The following UCP2 variants were observed in gnomAD, a reference collection of about 807,000 sequenced individuals.
UCP2 encodes dicarboxylate carrier SLC25A8.
A neutral mutation model predicts 31.3 loss-of-function variants in UCP2; 27 were observed. The ratio of observed to expected loss-of-function variants is 0.86; its 90% CI spans 0.64 to 1.19. The LOEUF is 1.19. Among genes scored for constraint, UCP2 ranks in the 50% most tolerant of loss-of-function variants. UCP2 has a pLI of 0.00. For synonymous variants in UCP2, 142 were observed against 157.4 expected (o/e 0.90, Z 0.73); for missense variants, 377 against 413.5 (o/e 0.91, Z 0.76).
In UCP2 at chr11:73,976,677, T is replaced by G. The variant is rs772231565; in HGVS notation, c.598A>C (p.Ile200Leu). 6.2e-7 allele frequency: 1 copy of G among 1,614,118 alleles called. No homozygotes were observed. Among genetic ancestry groups the G allele is most frequent in the South Asian group, 1.1e-5 (1 of 91,080 alleles). The change falls in exon 6 of 8, where the codon ATC (isoleucine) becomes CTC (leucine). Residue 200 changes from isoleucine (I) to leucine (L), a missense_variant. Transcript: ENST00000663595. ...NCAELVTYDL[I>L]KDALLKANLM... is the part of the protein sequence containing the mutation. ...TTGGCTTTCAGGAGGGCATCCTTGATGAGGTCATAGGTCACCAGCTCAGCA... is the reference window on the plus strand; with the variant it reads ...TTGGCTTTCAGGAGGGCATCCTTGAGGAGGTCATAGGTCACCAGCTCAGCA...
chr11:73,975,469 G>A (rs775409371), intron 7 of UCP2, 22 bp downstream of exon 7: 11 of 1,602,378 alleles, frequency 6.9e-6, no homozygotes, highest in Non-Finnish European at 9.4e-6. Flanking sequence ...CCTGAACTGG[G>A]TGGGGAGGAC....
chr11:73,975,689 G>T lies in UCP2; in HGVS notation c.635-18C>A. 1 of 1,614,128 alleles carries T rather than the reference G, an allele frequency of 6.2e-7. No individual in the cohort carries two copies. The highest frequency in any genetic ancestry group is 8.5e-7 in the Non-Finnish European group (1 of 1,180,008). The stretch of plus-strand genomic sequence containing the variant: ...GAGGTCATCTGCCAAGGAGGAGCAG[G>T]CAAGGCAGTCAAGATCTTCACCCAT... On this transcript the variant is annotated intron_variant, in intron 6 of 7. Coordinates refer to ENST00000663595, the MANE Select transcript of UCP2 (RefSeq NM_003355.3).
intron 2 of UCP2, among the ~76,000 whole-genome samples, chr11:73,979,731 T>C (rs751238936): frequency 1.1e-4 from 16 of 151,986 alleles, no homozygotes; most frequent in South Asian, 2.1e-4. Context: ...CTTGGGACGA[T>C]TGCTTGAGCC....
At chr11:73,977,150 A>G (rs920500547) in intron 4 of UCP2, 133 bp from the exon 5 acceptor site, 6 of 924,678 alleles carry the variant, frequency 6.5e-6, no homozygotes, top group Non-Finnish European at 9.5e-6. Context: ...TTGGCCTTCT[A>G]CAAGCTCTTG....
At chr11:73,977,194 CT>C (rs1158974040) in intron 4 of UCP2, 177 bp from the exon 5 acceptor site, 8 of 621,138 alleles carry the variant, frequency 1.3e-5, no homozygotes, top group Non-Finnish European at 2.2e-5. Flanking sequence ...CAAAATATCC[CT>C]ATGAATATCT....
Position 73,977,887 on chromosome 11 carries a change from C to G in UCP2, c.336G>C (p.Glu112Asp), listed in dbSNP as rs1951380162. The change falls in exon 4 of 8, where the codon GAG (glutamate) becomes GAC (aspartate). Residue 112 changes from glutamate (E) to aspartate (D), a missense_variant and splice_region_variant. Coordinates refer to ENST00000663595, the MANE Select transcript of UCP2 (RefSeq NM_003355.3). ...SVKQFYTKGS[E>D]HASIGSRLLA... is the part of the protein sequence containing the mutation. ...CCTACACCCTTGCTCCATACTCACG[C>G]TCAGAGCCCTTGGTGTAGAACTGTT... is the stretch of plus-strand genomic sequence containing the variant. 1 of 1,614,116 alleles carries G rather than the reference C, an allele frequency of 6.2e-7. No homozygotes were observed. Among genetic ancestry groups the G allele is most frequent in the Non-Finnish European group, 8.5e-7 (1 of 1,180,054 alleles).
intron 6 of UCP2, 85 bp downstream of exon 6, chr11:73,976,556 G>C: frequency 2.9e-6 from 3 of 1,046,788 alleles, no homozygotes; most frequent in Non-Finnish European, 4.4e-6. Flanking sequence ...GAAAAGATGT[G>C]GTCTTCTGGT....
At chr11:73,976,553 T>G in intron 6 of UCP2, 88 bp downstream of exon 6, 1 of 1,033,708 alleles carries the variant, frequency 9.7e-7, no homozygotes, top group East Asian at 2.4e-5. Context: ...GATGAAAAGA[T>G]GTGGTCTTCT....
At chr11:73,975,170 C>T (rs1177076415) in intron 7 of UCP2, 49 bp from the exon 8 acceptor site, 1 of 1,499,678 alleles carries the variant, frequency 6.7e-7, no homozygotes, top group Non-Finnish European at 9.1e-7. Context: ...CCTCCCACTT[C>T]CCTCACTGGG....
At position 73,976,645 on chromosome 11, in the gene UCP2, C is replaced by CA; in HGVS notation, c.629dup (p.Met210IlefsTer4). 1 of 1,613,876 alleles carries CA rather than the reference C, an allele frequency of 6.2e-7. No individual in the cohort carries two copies. Among genetic ancestry groups the CA allele is most frequent in the Non-Finnish European group, 8.5e-7 (1 of 1,179,838 alleles). ...ACCGTCTACCTCATGACTCACCTGT[C>CA]ATGAGGTTGGCTTTCAGGAGGGCAT... On this transcript the variant is annotated frameshift_variant, in exon 6 of 8. Coordinates refer to ENST00000663595, the MANE Select transcript of UCP2 (RefSeq NM_003355.3). LOFTEE classifies it high-confidence loss of function.
intron 2 of UCP2, chr11:73,978,773 G>A: frequency 3.0e-6 from 1 of 331,404 alleles, no homozygotes; most frequent in Non-Finnish European, 5.9e-6. Flanking sequence ...CCCTTTGTCT[G>A]CTGTATGCAG....
rs2135362121 is a variant in UCP2, at chr11:73,975,140, A to G, written c.816-19T>C. ...CATGAACCTAGAGGAGAAAAATCACAGGTCATGGGGGCACCTCCACCTCCC... is the reference window on the plus strand; with the variant it reads ...CATGAACCTAGAGGAGAAAAATCACGGGTCATGGGGGCACCTCCACCTCCC... On this transcript the variant is annotated intron_variant, in intron 7 of 7. Coordinates refer to ENST00000663595, the MANE Select transcript of UCP2 (RefSeq NM_003355.3). 1 of 1,596,110 alleles carries G rather than the reference A, an allele frequency of 6.3e-7. No individual in the cohort carries two copies. The highest frequency in any genetic ancestry group is 2.3e-5 in the East Asian group (1 of 43,938).
Position 73,978,328 on chromosome 11 carries a change from A to G in UCP2, c.51T>C (p.Phe17=), listed in dbSNP as rs1591220967. The change falls in exon 3 of 8, where the codon TTT becomes TTC. Residue 17 remains phenylalanine (F), a synonymous_variant. Coordinates refer to ENST00000663595, the MANE Select transcript of UCP2 (RefSeq NM_003355.3). ...TDVPPTATVK[F]LGAGTAACIA... is the part of the protein sequence containing the mutation. ...TGCAGGCAGCTGTGCCAGCCCCAAGAAACTTCACAGTGGCAGTAGGGGGCA... is the reference window on the plus strand; with the variant it reads ...TGCAGGCAGCTGTGCCAGCCCCAAGGAACTTCACAGTGGCAGTAGGGGGCA... The G allele has an allele frequency of 6.2e-7, 1 of 1,614,178 alleles. No individual in the cohort carries two copies. The highest frequency in any genetic ancestry group is 8.5e-7 in the Non-Finnish European group (1 of 1,180,022).
At chr11:73,983,118 C>T (rs1188056802), upstream of UCP2, 4 of 152,480 alleles carry the variant, frequency 2.6e-5, no homozygotes. Context: ...GGGCCGCCAA[C>T]CTCTGTGAGG....
chr11:73,975,783 T>C (rs1395680222), intron 6 of UCP2, 112 bp from the exon 7 acceptor site: 2 of 1,318,402 alleles, frequency 1.5e-6, no homozygotes, highest in African/African-American at 1.5e-5. Context: ...ACAGAGAGGC[T>C]GGGCACAATG....
At position 73,981,587 on chromosome 11, in the gene UCP2, AGAAAATGGGTGGGAGAC is replaced by A. The variant is rs1951456465; in HGVS notation, c.-228_-212del. ...TGGCCCGATCCCCTTGGTTTTCCATAGAAAATGGGTGGGAGACGAAACACCTAATGGTCATACTATGT... is the reference window on the plus strand; with the variant it reads ...TGGCCCGATCCCCTTGGTTTTCCATAGAAACACCTAATGGTCATACTATGT... On this transcript the variant is annotated 5_prime_UTR_variant, in exon 2 of 8. It introduces an in-frame stop codon into an upstream open reading frame of the 5' UTR. Transcript: ENST00000663595. 1.3e-5 allele frequency: 2 copies of A among 152,222 alleles called. No individual in the cohort carries two copies. Among genetic ancestry groups the A allele is most frequent in the African/African-American group, 4.8e-5 (2 of 41,434 alleles). The allele number at this position is 152,222 out of a possible 1,614,324, so 9.4% of individuals were successfully genotyped here.
rs570572306 is a variant in UCP2 at position 73,975,815 on chromosome 11, C to G, written c.635-144G>C. ...AATGTCTCATGCCTGTAATCCAGGA[C>G]TTCTTTTGGAGGCCGAGGTGGGTGG... On this transcript the variant is annotated intron_variant, in intron 6 of 7. Transcript: ENST00000663595. The G allele has an allele frequency of 8.1e-6, 3 of 372,086 alleles. No homozygotes were observed. The East Asian group carries it at 2.5e-4, about 31-fold the overall frequency. The allele number at this position is 372,086 out of a possible 1,614,324, so 23.0% of individuals were successfully genotyped here. A position where few individuals can be genotyped will look rare whatever the true frequency, so the allele number is the denominator to read the frequency against.
intron 2 of UCP2, among the ~76,000 whole-genome samples, chr11:73,979,564 CA>C (rs769193946): frequency 1.3e-5 from 2 of 150,870 alleles, no homozygotes; most frequent in Admixed American, 6.6e-5. Flanking sequence ...GACAAACAAA[CA>C]AAAAAAAACC....
At chr11:73,979,605 C>T (rs1951418654) in intron 2 of UCP2, among the ~76,000 whole-genome samples, 1 of 152,036 alleles carries the variant, frequency 6.6e-6, no homozygotes, top group Non-Finnish European at 1.5e-5. Flanking sequence ...GGTGGGAGGA[C>T]TGCTTGAACC....
Sources: allele counts gnomAD v4.1 joint callset (sites outside exome capture counted in the v4.1 genomes callset), GRCh38; gene constraint gnomAD v4.1.1; transcripts MANE v1.5; gene names NCBI Gene and HGNC (gene_info 2026-07-23, HGNC 2026-07-21).